The following ESRRG variants were observed in gnomAD, a reference collection of about 807,000 sequenced individuals.
ESRRG encodes estrogen-related receptor gamma.
In ESRRG, 13 loss-of-function variants were observed where a neutral mutation model predicts 44.0. That is an observed-to-expected ratio of 0.30 (90% CI 0.19 to 0.47). The LOEUF (loss-of-function observed/expected upper bound fraction) is 0.47, where lower values mean the gene tolerates loss of function less well. ESRRG is among the 20% of genes least tolerant of loss of function. The probability of loss-of-function intolerance (pLI) is 1.00; values close to 1 mark genes in which losing one functional copy is unlikely to be tolerated. For missense variants in ESRRG, 395 were observed against 580.6 expected (o/e 0.68, Z 3.29); for synonymous variants, 215 against 214.6 (o/e 1.00, Z -0.02).
intron 2 of ESRRG, among the ~76,000 whole-genome samples, chr1:216,866,117 T>A (rs551835031): frequency 1.3e-5 from 2 of 152,350 alleles, no homozygotes; most frequent in African/African-American, 4.8e-5. Flanking sequence ...ATTGTGAACA[T>A]GCTGTTTAAC....
intron 2 of ESRRG, among the ~76,000 whole-genome samples, chr1:216,802,558 A>G (rs990738148): frequency 6.6e-6 from 1 of 152,162 alleles, no homozygotes; most frequent in African/African-American, 2.4e-5. Flanking sequence ...TTGTTGAAAC[A>G]TTATTCAGAA....
At position 216,505,915 on chromosome 1, in the gene ESRRG, A is replaced by C. The variant is rs2041110436; in HGVS notation, c.*1024T>G. 1 of 152,674 alleles carries C rather than the reference A, an allele frequency of 6.5e-6. No individual in the cohort carries two copies. The allele number at this position is 152,674 out of a possible 1,614,324, so 9.5% of individuals were successfully genotyped here. On this transcript the variant is annotated 3_prime_UTR_variant, in exon 7 of 7. Transcript: ENST00000408911. ...AATCTCCATTTGTAAGAAGAAACAA[A>C]ACATTTTTAAAAATCTTCCTTCAGG... is the stretch of plus-strand genomic sequence containing the variant.
chr1:217,008,519 T>C (rs371880489), intron 1 of ESRRG, among the ~76,000 whole-genome samples: 170 of 152,236 alleles, frequency 1.1e-3, no homozygotes, highest in African/African-American at 3.8e-3. Context: ...CTTAGATTGT[T>C]TGCACTCTCT....
At chr1:216,645,638 G>A (rs536594615) in intron 3 of ESRRG, among the ~76,000 whole-genome samples, 6 of 152,074 alleles carry the variant, frequency 3.9e-5, no homozygotes, top group Non-Finnish European at 5.9e-5. Flanking sequence ...TTGGGAGGCC[G>A]AAACTGGAGG....
chr1:216,770,677 A>T (rs12043579), intron 2 of ESRRG, among the ~76,000 whole-genome samples: 11,013 of 152,222 alleles, frequency 0.072, 491 homozygotes, highest in Middle Eastern at 0.14. Context: ...TACATGAATT[A>T]TCTCATCTTT....
chr1:216,828,165 A>G (rs1401798902), intron 2 of ESRRG, among the ~76,000 whole-genome samples: 1 of 152,202 alleles, frequency 6.6e-6, no homozygotes, highest in East Asian at 1.9e-4. Flanking sequence ...CAGAGAGAGG[A>G]GAGCCTGGGA....
rs192022683 is a variant in ESRRG, at chr1:216,695,253, T to C, written c.57-17762A>G. Among the ~76,000 whole-genome samples the C allele has an allele frequency of 2.4e-4, 36 of 152,162 alleles. No individual in the cohort carries two copies. The East Asian group carries it at 6.0e-3, about 25-fold the overall frequency. On this transcript the variant is annotated intron_variant, in intron 1 of 6. Transcript: ENST00000408911. ...AATGCTTTGTCATGGAGCTGATCAT[T>C]TTCTTGAACTGTGGAAGTGGTTACA...
chr1:216,684,427 G>T (rs953910752), intron 1 of ESRRG, among the ~76,000 whole-genome samples: 11 of 152,150 alleles, frequency 7.2e-5, no homozygotes, highest in Non-Finnish European at 1.0e-4. Flanking sequence ...TTTCAATCTG[G>T]GGGTGAGCAT....
chr1:216,754,304 T>C (rs1319732258), intron 2 of ESRRG, among the ~76,000 whole-genome samples: 1 of 152,050 alleles, frequency 6.6e-6, no homozygotes, highest in Admixed American at 6.6e-5. Context: ...ACTCACATGA[T>C]ATAGTGCTGT....
At chr1:216,680,936 T>G (rs1047910146) in intron 1 of ESRRG, among the ~76,000 whole-genome samples, 1 of 152,220 alleles carries the variant, frequency 6.6e-6, no homozygotes, top group Non-Finnish European at 1.5e-5. Context: ...AACACCTTTT[T>G]GTCAGAAAGA....
At chr1:217,115,503 C>A (rs918043462) in intron 1 of ESRRG, among the ~76,000 whole-genome samples, 1 of 152,102 alleles carries the variant, frequency 6.6e-6, no homozygotes, top group Non-Finnish European at 1.5e-5. Flanking sequence ...CTATGCTCAT[C>A]CCCTTATTCA....
At chr1:216,615,681 T>A in intron 3 of ESRRG, among the ~76,000 whole-genome samples, 1 of 152,004 alleles carries the variant, frequency 6.6e-6, no homozygotes, top group East Asian at 1.9e-4. Context: ...GTTACCCATA[T>A]GTGGAAAGAA....
At chr1:217,006,403 T>C (rs537599361) in intron 1 of ESRRG, among the ~76,000 whole-genome samples, 2 of 152,190 alleles carry the variant, frequency 1.3e-5, no homozygotes, top group South Asian at 4.2e-4. Flanking sequence ...GTCTATATAG[T>C]AGTACACAAT....
At chr1:217,042,052 C>T (rs1488664729) in intron 1 of ESRRG, among the ~76,000 whole-genome samples, 1 of 152,120 alleles carries the variant, frequency 6.6e-6, no homozygotes, top group Non-Finnish European at 1.5e-5. Flanking sequence ...GATAGCATTC[C>T]ATTTCAGTTT....
chr1:216,767,336 A>G (rs1337042329), intron 2 of ESRRG, among the ~76,000 whole-genome samples: 1 of 152,104 alleles, frequency 6.6e-6, no homozygotes, highest in Non-Finnish European at 1.5e-5. Context: ...TCTGAAAAAT[A>G]AGGGCATACA....
intron 6 of ESRRG, among the ~76,000 whole-genome samples, chr1:216,511,288 T>C (rs2148783869): frequency 6.6e-6 from 1 of 152,248 alleles, no homozygotes; most frequent in African/African-American, 2.4e-5. Flanking sequence ...TAAATTTCCA[T>C]ATGCCATATA....
intron 3 of ESRRG, among the ~76,000 whole-genome samples, chr1:216,614,461 A>T (rs1030722375): frequency 6.6e-6 from 1 of 152,170 alleles, no homozygotes; most frequent in African/African-American, 2.4e-5. Context: ...AGCTGAATAT[A>T]TATCTGGTGA....
At chr1:216,860,595 A>G (rs1454312815) in intron 2 of ESRRG, among the ~76,000 whole-genome samples, 2 of 152,116 alleles carry the variant, frequency 1.3e-5, no homozygotes, top group East Asian at 3.9e-4. Context: ...AATATATTGG[A>G]ACAATATATT....
chr1:216,811,834 G>A (rs1438308449), intron 2 of ESRRG, among the ~76,000 whole-genome samples: 3 of 152,156 alleles, frequency 2.0e-5, no homozygotes, highest in Non-Finnish European at 4.4e-5. Flanking sequence ...TCCATTTTAA[G>A]CCTAGTGATG....
Sources: allele counts gnomAD v4.1 joint callset (sites outside exome capture counted in the v4.1 genomes callset), GRCh38; gene constraint gnomAD v4.1.1; transcripts MANE v1.5; gene names NCBI Gene and HGNC (gene_info 2026-07-23, HGNC 2026-07-21).